The following MCTP2 variants were observed in gnomAD, a reference collection of about 807,000 sequenced individuals.
The protein encoded by MCTP2 is multiple C2 and transmembrane domain-containing protein 2.
In MCTP2, 132 loss-of-function variants were observed where a neutral mutation model predicts 111.6. The ratio of observed to expected loss-of-function variants is 1.18; its 90% CI spans 1.03 to 1.37. The LOEUF is 1.37. Ranked by LOEUF, MCTP2 falls within the 40% of genes most tolerant of loss-of-function variation. The pLI, the probability that MCTP2 is intolerant of heterozygous loss-of-function variation, is 0.00. For synonymous variants in MCTP2, 395 were observed against 387.7 expected, an observed-to-expected ratio of 1.02 and a Z score of -0.22; for missense variants, 1,183 against 1,067.9, an observed-to-expected ratio of 1.11 and a Z score of -1.50.
At chr15:94,405,618 A>G (rs1411962418) in intron 17 of MCTP2, among the ~76,000 whole-genome samples, 3 of 152,218 alleles carry the variant, frequency 2.0e-5, no homozygotes, top group South Asian at 4.1e-4. Context: ...GAGAGAAGAA[A>G]GTTATCAGTA....
At chr15:94,247,238 A>G (rs2072080334) in intron 1 of MCTP2, among the ~76,000 whole-genome samples, 3 of 152,080 alleles carry the variant, frequency 2.0e-5, no homozygotes, top group Admixed American at 6.6e-5. Context: ...TTCAGAGGGC[A>G]TTGGATGCAC....
intron 1 of MCTP2, among the ~76,000 whole-genome samples, chr15:94,284,581 A>C (rs1455247404): frequency 6.6e-6 from 1 of 152,258 alleles, no homozygotes; most frequent in Admixed American, 6.5e-5. Flanking sequence ...TGTACGACTT[A>C]TGTAAAGTTT....
intron 1 of MCTP2, among the ~76,000 whole-genome samples, chr15:94,269,215 T>C (rs1406567471): frequency 1.4e-4 from 21 of 152,212 alleles, no homozygotes; most frequent in Admixed American, 1.4e-3. Flanking sequence ...TCAAGCTCTG[T>C]TCAAGTTCAC....
At chr15:94,350,323 C>T (rs920589729) in intron 8 of MCTP2, among the ~76,000 whole-genome samples, 1 of 152,184 alleles carries the variant, frequency 6.6e-6, no homozygotes, top group Non-Finnish European at 1.5e-5. Flanking sequence ...CACGGTGGCT[C>T]ATGCCTGTAA....
intron 17 of MCTP2, among the ~76,000 whole-genome samples, chr15:94,432,504 A>T (rs1234955816): frequency 6.6e-6 from 1 of 152,182 alleles, no homozygotes; most frequent in Non-Finnish European, 1.5e-5. Context: ...CATGTTGGCT[A>T]GATTCCCAAA....
chr15:94,406,063 C>T (rs946292971), intron 17 of MCTP2, among the ~76,000 whole-genome samples: 1 of 152,128 alleles, frequency 6.6e-6, no homozygotes, highest in African/African-American at 2.4e-5. Context: ...GTATTTTATA[C>T]ACATGTATAT....
At position 94,479,370 on chromosome 15, in the gene MCTP2, A is replaced by C. The variant is rs2074613045; in HGVS notation, c.*336A>C. 3.1e-6 allele frequency: 1 copy of C among 320,810 alleles called. No individual in the cohort carries two copies. Among genetic ancestry groups the C allele is most frequent in the Non-Finnish European group, 5.9e-6 (1 of 170,636 alleles). 19.9% of individuals were successfully genotyped at this position (320,810 alleles called of 1,614,324 possible). A position where few individuals can be genotyped will look rare whatever the true frequency, so the allele number is the denominator to read the frequency against. Reference sequence around the variant, plus strand: ...AACAGCCAGGAGCCCACTTGGATTCAAGAGTGACTTTGAACTTGTTTTCAC... The same window carrying C: ...AACAGCCAGGAGCCCACTTGGATTCCAGAGTGACTTTGAACTTGTTTTCAC... On this transcript the variant is annotated 3_prime_UTR_variant, in exon 23 of 23. Transcript: ENST00000357742.
chr15:94,447,504 C>T (rs1031053878), intron 19 of MCTP2, among the ~76,000 whole-genome samples: 1 of 152,134 alleles, frequency 6.6e-6, no homozygotes, highest in African/African-American at 2.4e-5. Context: ...AAGTGATTCT[C>T]GTGCCTCCGC....
chr15:94,306,907 C>T (rs1364438664), intron 2 of MCTP2, among the ~76,000 whole-genome samples: 2 of 152,166 alleles, frequency 1.3e-5, no homozygotes, highest in African/African-American at 4.8e-5. Flanking sequence ...GGAGAGGAAA[C>T]GACCTCCAGG....
At chr15:94,267,865 C>CTTTTTT (rs2073638005) in intron 1 of MCTP2, among the ~76,000 whole-genome samples, 1 of 18,292 alleles carries the variant, frequency 5.5e-5, no homozygotes. Context: ...CTTTCCTTTT[C>CTTTTTT]TTTCTTTTTT....
chr15:94,403,691 T>A (rs1596601118), intron 17 of MCTP2, among the ~76,000 whole-genome samples: 1 of 152,208 alleles, frequency 6.6e-6, no homozygotes, highest in Admixed American at 6.5e-5. Flanking sequence ...GGCTTAGAAA[T>A]GGAGCCACTT....
chr15:94,287,075 A>T (rs542349670), intron 1 of MCTP2, among the ~76,000 whole-genome samples: 1 of 152,232 alleles, frequency 6.6e-6, no homozygotes, highest in Non-Finnish European at 1.5e-5. Flanking sequence ...AGCAAACAAT[A>T]TAATATTCAG....
intron 1 of MCTP2, among the ~76,000 whole-genome samples, chr15:94,281,674 T>A (rs944090321): frequency 2.0e-5 from 3 of 152,196 alleles, no homozygotes; most frequent in Non-Finnish European, 4.4e-5. Context: ...TACTTCAGTA[T>A]ATTTTTTTGA....
chr15:94,439,689 A>G (rs1481899302), intron 17 of MCTP2, among the ~76,000 whole-genome samples: 1 of 152,126 alleles, frequency 6.6e-6, no homozygotes. Context: ...CTAGCCAATC[A>G]TTTTCTTGTG....
At chr15:94,458,359 C>G (rs1278902368) in intron 20 of MCTP2, 113 bp downstream of exon 20, 1 of 682,342 alleles carries the variant, frequency 1.5e-6, no homozygotes, top group East Asian at 2.7e-5. Context: ...AAAAACACAC[C>G]AAAGCAACAC....
chr15:94,280,519 A>T lies in MCTP2; in HGVS notation c.-65-17682A>T, dbSNP rs566963042. Among the ~76,000 whole-genome samples, 15 of 145,952 alleles carry T rather than the reference A, an allele frequency of 1.0e-4. No individual in the cohort carries two copies. The East Asian group carries it at 3.0e-3, about 30-fold the overall frequency. The stretch of plus-strand genomic sequence containing the variant: ...TCTTTTTTTTTTCTTCATTAGTCTC[A>T]CTACCAATCTTATTCTTTCAAATAA... On this transcript the variant is annotated intron_variant, in intron 1 of 22. Transcript: ENST00000357742.
chr15:94,389,132 G>A (rs910077202), intron 14 of MCTP2, among the ~76,000 whole-genome samples: 3 of 152,200 alleles, frequency 2.0e-5, no homozygotes, highest in Non-Finnish European at 4.4e-5. Context: ...TTAAGTTTAG[G>A]AAGACTTAGG....
intron 4 of MCTP2, among the ~76,000 whole-genome samples, chr15:94,331,478 G>C (rs1192585977): frequency 6.6e-6 from 1 of 152,140 alleles, no homozygotes; most frequent in Admixed American, 6.5e-5. Flanking sequence ...GGGATGGTAT[G>C]GGGTGGGGCT....
Position 94,345,139 on chromosome 15 carries a change from A to G in MCTP2, c.980A>G (p.Asn327Ser). 1 of 1,612,800 alleles carries G rather than the reference A, an allele frequency of 6.2e-7. No homozygotes were observed. The highest frequency in any genetic ancestry group is 8.5e-7 in the Non-Finnish European group (1 of 1,179,128). ...GACACAAATCTTTAGCGTTGGTCAAATCGGAAGCGATTAAGTGCCAGCAAG... is the reference window on the plus strand; with the variant it reads ...GACACAAATCTTTAGCGTTGGTCAAGTCGGAAGCGATTAAGTGCCAGCAAG... ...QGDFKRHRWSNRKRLSASKSS... is the reference protein window; with the variant it reads ...QGDFKRHRWSSRKRLSASKSS... Residue 327 changes from asparagine to serine, a missense_variant, in exon 8 of 23, where the codon AAT (asparagine) becomes AGT (serine). By Grantham distance (46) the Asn-to-Ser change is conservative. Coordinates refer to ENST00000357742, the MANE Select transcript of MCTP2 (RefSeq NM_001385001.1).
Sources: allele counts gnomAD v4.1 joint callset (sites outside exome capture counted in the v4.1 genomes callset), GRCh38; gene constraint gnomAD v4.1.1; transcripts MANE v1.5; gene names NCBI Gene and HGNC (gene_info 2026-07-23, HGNC 2026-07-21).